Variants in CDS2 observed in about 807,000 individuals in gnomAD.
CDS2 encodes phosphatidate cytidylyltransferase 2.
A neutral mutation model predicts 59.0 loss-of-function variants in CDS2; 47 were observed. The ratio of observed to expected loss-of-function variants is 0.80; its 90% CI spans 0.63 to 1.02. The LOEUF is 1.02. CDS2 is among the 50% of genes least tolerant of loss of function. CDS2 has a pLI of 0.00. For missense variants in CDS2, 356 were observed against 558.9 expected (o/e 0.64, Z 3.66); for synonymous variants, 207 against 206.4 (o/e 1.00, Z -0.02).
In CDS2 at chr20:5,184,627, T is replaced by A. The variant is rs762521744; in HGVS notation, c.672-231T>A. 2.0e-5 allele frequency among the ~76,000 whole-genome samples: 3 copies of A among 152,244 alleles called. No homozygotes were observed. The highest frequency in any genetic ancestry group is 4.4e-5 in the Non-Finnish European group (3 of 68,052). The stretch of plus-strand genomic sequence containing the variant: ...AAAAAGGACAGATGACCTTTTAGTT[T>A]GCAACCTCCACTTATTCAGTAGTCA... On this transcript the variant is annotated intron_variant, in intron 7 of 12. Transcript: ENST00000460006. This position sits in a 1 kb window ranked among gnomAD's most constrained non-coding sequence, Gnocchi z 4.3.
intron 4 of CDS2, 48 bp from the exon 5 acceptor site, chr20:5,178,769 G>T: frequency 1.2e-6 from 2 of 1,605,844 alleles, no homozygotes; most frequent in Non-Finnish European, 1.7e-6. Flanking sequence ...CTGCCTTGCT[G>T]TGAAGGCAAG....
chr20:5,154,948 G>C (rs572043718), intron 1 of CDS2, among the ~76,000 whole-genome samples: 4 of 152,212 alleles, frequency 2.6e-5, no homozygotes, highest in Non-Finnish European at 5.9e-5. Flanking sequence ...GCGCTCAGCT[G>C]ATTTGTTCCG....
At chr20:5,148,489 A>T (rs1015531812) in intron 1 of CDS2, among the ~76,000 whole-genome samples, 2 of 152,190 alleles carry the variant, frequency 1.3e-5, no homozygotes, top group African/African-American at 4.8e-5. Context: ...ACTGAGGCTC[A>T]TGGAGACTGG....
intron 1 of CDS2, among the ~76,000 whole-genome samples, chr20:5,127,563 A>G (rs2090565290): frequency 6.6e-6 from 1 of 151,956 alleles, no homozygotes; most frequent in African/African-American, 2.4e-5. Context: ...CAATGTTATT[A>G]TTTTGGGGGG....
rs1408381741 is a variant in CDS2 at position 5,178,818 on chromosome 20, T to A, written c.391T>A (p.Tyr131Asn). Residue 131 changes from tyrosine (Y) to asparagine (N), a missense_variant and splice_region_variant, in exon 5 of 13, where the codon TAC (tyrosine) becomes AAC (asparagine). By Grantham distance (143) the Tyr-to-Asn change is moderately radical (BLOSUM62 -2). This residue lies in a region of CDS2 where 87 missense variants were observed against 193.3 expected (regional missense o/e 0.45). Transcript: ENST00000460006. ...DLPWFRTLSWYFLLCVNYFFY... is the reference protein window; with the variant it reads ...DLPWFRTLSWNFLLCVNYFFY... The stretch of plus-strand genomic sequence containing the variant: ...GCAATGACCTGTCTTCATTTACAGG[T>A]ACTTTCTCCTGTGTGTAAACTATTT... The A allele has an allele frequency of 6.2e-7, 1 of 1,614,170 alleles. No homozygotes were observed. Among genetic ancestry groups the A allele is most frequent in the East Asian group, 2.2e-5 (1 of 44,864 alleles).
Position 5,194,220 on chromosome 20 carries a change from G to A in CDS2, c.*3986G>A, listed in dbSNP as rs1044483174. On this transcript the variant is annotated 3_prime_UTR_variant, in exon 13 of 13. Coordinates refer to ENST00000460006, the MANE Select transcript of CDS2 (RefSeq NM_003818.4). ...TGATCACCCTGCACGCAGCTGCCCA[G>A]CTTCCAGTTTTTAAAGAGATGAACA... The A allele has an allele frequency of 2.6e-5, 4 of 152,352 alleles. No individual in the cohort carries two copies. The highest frequency in any genetic ancestry group is 4.4e-5 in the Non-Finnish European group (3 of 68,154). The allele number at this position is 152,352 out of a possible 1,614,324, so 9.4% of individuals were successfully genotyped here.
rs2091120299 is a variant in CDS2 at position 5,192,136 on chromosome 20, C to T, written c.*1902C>T. The T allele has an allele frequency of 6.6e-6, 1 of 152,160 alleles. No individual in the cohort carries two copies. Among genetic ancestry groups the T allele is most frequent in the South Asian group, 2.1e-4 (1 of 4,816 alleles). 9.4% of individuals were successfully genotyped at this position (152,160 alleles called of 1,614,324 possible). ...TGTAGTTTTCAGATTGAAGAATGAA[C>T]CTGGATCACCAAACTAGATACCGAA... On this transcript the variant is annotated 3_prime_UTR_variant, in exon 13 of 13. Coordinates refer to ENST00000460006, the MANE Select transcript of CDS2 (RefSeq NM_003818.4).
At chr20:5,178,780 G>T (rs2091012275) in intron 4 of CDS2, 37 bp from the exon 5 acceptor site, 6 of 1,612,766 alleles carry the variant, frequency 3.7e-6, no homozygotes, top group African/African-American at 2.7e-5. Flanking sequence ...TGAAGGCAAG[G>T]GTGCTCCCCA....
chr20:5,179,850 A>T (rs2091020891), intron 5 of CDS2, among the ~76,000 whole-genome samples: 1 of 152,252 alleles, frequency 6.6e-6, no homozygotes, highest in Non-Finnish European at 1.5e-5. Flanking sequence ...TAATTCTAAT[A>T]ATGCTGATGG....
chr20:5,195,988 C>T lies in CDS2; in HGVS notation c.*5754C>T, dbSNP rs762577010. 2.0e-5 allele frequency: 3 copies of T among 152,102 alleles called. No homozygotes were observed. Among genetic ancestry groups the T allele is most frequent in the Non-Finnish European group, 4.4e-5 (3 of 68,038 alleles). The allele number at this position is 152,102 out of a possible 1,614,324, so 9.4% of individuals were successfully genotyped here. A position where few individuals can be genotyped will look rare whatever the true frequency, so the allele number is the denominator to read the frequency against. ...GCACGTGTGTGTAAGGGGAGGCTGC[C>T]TCACTTTGAAGGAATGGTGTTGGCT... On this transcript the variant is annotated 3_prime_UTR_variant, in exon 13 of 13. Transcript: ENST00000460006.
At chr20:5,135,265 A>G (rs2090639887) in intron 1 of CDS2, among the ~76,000 whole-genome samples, 1 of 152,188 alleles carries the variant, frequency 6.6e-6, no homozygotes, top group African/African-American at 2.4e-5. Context: ...ATCATCCTTT[A>G]AACTGTTTGA....
In CDS2 at chr20:5,191,670, C is replaced by T. The variant is rs780532008; in HGVS notation, c.*1436C>T. 7.9e-5 allele frequency: 12 copies of T among 152,196 alleles called. No homozygotes were observed. The highest frequency in any genetic ancestry group is 1.5e-4 in the Non-Finnish European group (10 of 68,080). The allele number at this position is 152,196 out of a possible 1,614,324, so 9.4% of individuals were successfully genotyped here. On this transcript the variant is annotated 3_prime_UTR_variant, in exon 13 of 13. Coordinates refer to ENST00000460006, the MANE Select transcript of CDS2 (RefSeq NM_003818.4). ...CCTCCCTGAAAGTGCACAGTCAGCC[C>T]AGGTCTCTAGAGTGTCCAGCAGAGG... is the stretch of plus-strand genomic sequence containing the variant.
At chr20:5,131,604 AG>A (rs2090608492) in intron 1 of CDS2, among the ~76,000 whole-genome samples, 1 of 152,258 alleles carries the variant, frequency 6.6e-6, no homozygotes, top group Admixed American at 6.5e-5. Flanking sequence ...ACTTATTTCA[AG>A]GCTTCCTTTC....
At chr20:5,186,653 C>A in intron 9 of CDS2, 34 bp from the exon 10 acceptor site, 7 of 1,610,888 alleles carry the variant, frequency 4.3e-6, no homozygotes, top group Non-Finnish European at 5.9e-6. Context: ...TTGGAACTTA[C>A]TTCCTTGCCG....
intron 1 of CDS2, among the ~76,000 whole-genome samples, chr20:5,169,640 A>G (rs1215375646): frequency 1.3e-5 from 2 of 152,216 alleles, no homozygotes; most frequent in African/African-American, 2.4e-5. Context: ...GAACATATGC[A>G]TATGTCTTGA....
chr20:5,163,918 G>A (rs1473701422), intron 1 of CDS2, among the ~76,000 whole-genome samples: 1 of 151,274 alleles, frequency 6.6e-6, no homozygotes, highest in Non-Finnish European at 1.5e-5. Context: ...AGCCTCCCAA[G>A]TAGCTGGGAT....
At chr20:5,140,800 A>T (rs1178872578) in intron 1 of CDS2, among the ~76,000 whole-genome samples, 2 of 152,240 alleles carry the variant, frequency 1.3e-5, no homozygotes, top group Non-Finnish European at 2.9e-5. Context: ...GTACCTCCTG[A>T]TGGAGAAATC....
chr20:5,127,026 G>C lies in CDS2; in HGVS notation c.-67G>C. 1.4e-6 allele frequency: 2 copies of C among 1,428,070 alleles called. No homozygotes were observed. Among genetic ancestry groups the C allele is most frequent in the Non-Finnish European group, 9.3e-7 (1 of 1,078,410 alleles). The allele number at this position is 1,428,070 out of a possible 1,614,324, so 88.5% of individuals were successfully genotyped here. ...CGGCCGTGGGAGTCCGCGCGTGCCC[G>C]CGCCGAGCTGCCTGCTCCGGCGGCT... On this transcript the variant is annotated 5_prime_UTR_variant, in exon 1 of 13. Transcript: ENST00000460006.
At chr20:5,133,924 T>A (rs1224693164) in intron 1 of CDS2, among the ~76,000 whole-genome samples, 1 of 152,200 alleles carries the variant, frequency 6.6e-6, no homozygotes, top group Non-Finnish European at 1.5e-5. Context: ...CATTGATAGA[T>A]ATGATACCCA....
Sources: allele counts gnomAD v4.1 joint callset (sites outside exome capture counted in the v4.1 genomes callset), GRCh38; gene constraint gnomAD v4.1.1; regional missense constraint gnomAD v4.1.1; non-coding constraint Gnocchi (gnomAD v3.1); transcripts MANE v1.5; gene names NCBI Gene and HGNC (gene_info 2026-07-23, HGNC 2026-07-21).